Variants in FER1L6 observed in about 807,000 individuals in gnomAD.
The protein encoded by FER1L6 is fer-1-like protein 6.
Under a neutral mutation model 219.2 loss-of-function variants are expected in FER1L6, and 177 were observed. The observed-to-expected ratio is 0.81, with a 90% CI of 0.71 to 0.91. The LOEUF (loss-of-function observed/expected upper bound fraction) is 0.91. Among genes scored for constraint, FER1L6 ranks in the 40% least tolerant of loss-of-function variants. The probability of loss-of-function intolerance (pLI) is 0.00; values close to 1 mark genes in which losing one functional copy is unlikely to be tolerated. For missense variants in FER1L6, 2,153 were observed against 2,259.9 expected (o/e 0.95, Z 0.96); for synonymous variants, 768 against 824.3 (o/e 0.93, Z 1.17).
intron 11 of FER1L6, among the ~76,000 whole-genome samples, chr8:123,983,235 G>A (rs568451322): frequency 1.1e-4 from 16 of 152,062 alleles, no homozygotes; most frequent in East Asian, 7.7e-4. Flanking sequence ...AGCTGCAGCC[G>A]TACCTTCATT....
At chr8:123,916,710 A>T (rs1813201945) in intron 1 of FER1L6, among the ~76,000 whole-genome samples, 1 of 152,226 alleles carries the variant, frequency 6.6e-6, no homozygotes, top group South Asian at 2.1e-4. Flanking sequence ...TTGGATGGTT[A>T]TATTAGTTGA....
At chr8:123,870,107 G>C (rs1816900488) in intron 1 of FER1L6, among the ~76,000 whole-genome samples, 1 of 152,190 alleles carries the variant, frequency 6.6e-6, no homozygotes, top group South Asian at 2.1e-4. Context: ...TGAGATTCTA[G>C]TACACATCTA....
At chr8:123,950,432 CT>C (rs1331213385) in intron 1 of FER1L6, among the ~76,000 whole-genome samples, 3 of 152,180 alleles carry the variant, frequency 2.0e-5, no homozygotes, top group Non-Finnish European at 4.4e-5. Flanking sequence ...CAGCCTTGCC[CT>C]CTTGCCATTT....
chr8:123,901,190 T>C (rs2129733713), intron 1 of FER1L6, among the ~76,000 whole-genome samples: 1 of 152,350 alleles, frequency 6.6e-6, no homozygotes, highest in South Asian at 2.1e-4. Context: ...CTGCTTGTTA[T>C]TGGTCTGTTC....
intron 22 of FER1L6, among the ~76,000 whole-genome samples, chr8:124,054,925 A>G (rs964609022): frequency 6.6e-5 from 10 of 152,192 alleles, no homozygotes; most frequent in African/African-American, 2.4e-4. Context: ...CCGAAGGGGC[A>G]AGGAGAGAAG....
intron 1 of FER1L6, among the ~76,000 whole-genome samples, chr8:123,930,024 G>A (rs1385845214): frequency 2.0e-5 from 3 of 150,298 alleles, no homozygotes; most frequent in Non-Finnish European, 4.4e-5. Context: ...ATTGAGAAAC[G>A]TAGATAACAT....
chr8:124,018,712 T>C (rs1240468505), intron 16 of FER1L6, among the ~76,000 whole-genome samples: 1 of 152,172 alleles, frequency 6.6e-6, no homozygotes, highest in African/African-American at 2.4e-5. Context: ...GACCTGCATT[T>C]CCAGCCTCCT....
At chr8:124,077,018 T>C (rs950026984) in intron 32 of FER1L6, among the ~76,000 whole-genome samples, 1 of 152,224 alleles carries the variant, frequency 6.6e-6, no homozygotes, top group African/African-American at 2.4e-5. Context: ...TCCTCCAATA[T>C]GATGTGCTAA....
chr8:124,098,102 C>T (rs1822389082), intron 37 of FER1L6, among the ~76,000 whole-genome samples: 1 of 152,186 alleles, frequency 6.6e-6, no homozygotes, highest in African/African-American at 2.4e-5. Flanking sequence ...AATCTTATTA[C>T]ATATACATCT....
Position 124,119,746 on chromosome 8 carries a change from A to T in FER1L6, c.5530A>T (p.Thr1844Ser). 6.2e-7 allele frequency: 1 copy of T among 1,613,892 alleles called. No individual in the cohort carries two copies. Among genetic ancestry groups the T allele is most frequent in the Non-Finnish European group, 8.5e-7 (1 of 1,179,956 alleles). Residue 1844 changes from threonine (T) to serine (S), a missense_variant, in exon 41 of 41, where the codon ACC becomes TCC. By Grantham distance (58) the Thr-to-Ser change is moderately conservative. Transcript: ENST00000522917. ...LIIFLVLFIYTLPGAISRRIV... is the reference protein window; with the variant it reads ...LIIFLVLFIYSLPGAISRRIV... ...CATCTTCCTCGTCCTTTTCATCTAC[A>T]CCTTGCCAGGAGCCATCAGCCGAAG...
intron 1 of FER1L6, among the ~76,000 whole-genome samples, chr8:123,855,515 G>C (rs1009042876): frequency 1.3e-5 from 2 of 151,366 alleles, no homozygotes; most frequent in African/African-American, 4.9e-5. Context: ...TATGGAATGG[G>C]AAAAAGGGAG....
Position 124,078,707 on chromosome 8 carries a change from G to GTC in FER1L6, c.4220+2382_4220+2383insTC, listed in dbSNP as rs1821397544. Among the ~76,000 whole-genome samples the GTC allele has an allele frequency of 7.0e-4, 3 of 4,282 alleles. No individual in the cohort carries two copies. The South Asian group carries it at 0.021, about 30-fold the overall frequency. The allele number at this position is 4,282 out of a possible 152,430, so 2.8% of individuals were successfully genotyped here. Reference sequence around the variant, plus strand: ...GTGAAGACCCTGGGAAGGCATCCCAGGTGGGATGGGATGGGTGGGAAGGGA... The same window carrying GTC: ...GTGAAGACCCTGGGAAGGCATCCCAGTCGTGGGATGGGATGGGTGGGAAGGGA... On this transcript the variant is annotated intron_variant, in intron 32 of 40. Coordinates refer to ENST00000522917, the MANE Select transcript of FER1L6 (RefSeq NM_001039112.2).
intron 3 of FER1L6, among the ~76,000 whole-genome samples, chr8:123,963,980 T>TGGTTA (rs1345938449): frequency 6.6e-6 from 1 of 152,234 alleles, no homozygotes; most frequent in Non-Finnish European, 1.5e-5. Context: ...GCAGCTCTGC[T>TGGTTA]GGTTAGTTTA....
Position 124,091,637 on chromosome 8 carries a change from T to G in FER1L6, c.4552+54T>G. ...GTTGCTCTTCTTTTGAAAATCCTGA[T>G]TCTAGTGATATTTTTGGCTATGGGA... On this transcript the variant is annotated intron_variant, in intron 34 of 40. Transcript: ENST00000522917. 3 of 1,575,280 alleles carry G rather than the reference T, an allele frequency of 1.9e-6. No individual in the cohort carries two copies. The South Asian group carries it at 3.5e-5, about 18-fold the overall frequency.
At position 124,101,779 on chromosome 8, in the gene FER1L6, A is replaced by G. The variant is rs530616935; in HGVS notation, c.5125+441A>G. ...AATTTAGAAGTTTATTTTGCCAAGAATAAGGACATGCCTGTGATATAACCT... is the reference window on the plus strand; with the variant it reads ...AATTTAGAAGTTTATTTTGCCAAGAGTAAGGACATGCCTGTGATATAACCT... On this transcript the variant is annotated intron_variant, in intron 38 of 40. Coordinates refer to ENST00000522917, the MANE Select transcript of FER1L6 (RefSeq NM_001039112.2). Among the ~76,000 whole-genome samples the G allele has an allele frequency of 3.4e-4, 51 of 152,226 alleles. 1 individual carries two copies. Among genetic ancestry groups the G allele is most frequent in the Non-Finnish European group, 6.6e-4 (45 of 68,040 alleles).
intron 34 of FER1L6, among the ~76,000 whole-genome samples, chr8:124,093,713 G>A (rs201020914): frequency 6.7e-6 from 1 of 148,732 alleles, no homozygotes; most frequent in African/African-American, 2.5e-5. Flanking sequence ...TTGATTTCTT[G>A]TTTGTCTCTA....
intron 1 of FER1L6, among the ~76,000 whole-genome samples, chr8:123,866,501 A>G (rs1816840238): frequency 2.0e-5 from 3 of 152,264 alleles, no homozygotes; most frequent in South Asian, 2.1e-4. Flanking sequence ...CTTTGGATAT[A>G]TACCTAGAGA....
chr8:124,113,823 G>A (rs1823117707), intron 39 of FER1L6, among the ~76,000 whole-genome samples: 1 of 152,190 alleles, frequency 6.6e-6, no homozygotes, highest in Non-Finnish European at 1.5e-5. Flanking sequence ...TGTTTAATAT[G>A]TGATACTGTT....
At chr8:123,972,955 G>A (rs1815888589) in intron 6 of FER1L6, among the ~76,000 whole-genome samples, 1 of 152,190 alleles carries the variant, frequency 6.6e-6, no homozygotes, top group African/African-American at 2.4e-5. Flanking sequence ...ACAGAATATT[G>A]AGGGTGATTA....
Sources: allele counts gnomAD v4.1 joint callset (sites outside exome capture counted in the v4.1 genomes callset), GRCh38; gene constraint gnomAD v4.1.1; transcripts MANE v1.5; gene names NCBI Gene and HGNC (gene_info 2026-07-23, HGNC 2026-07-21).